Variants in INSIG2 observed in about 807,000 individuals in gnomAD.
INSIG2 encodes the protein insulin-induced gene 2 protein.
A neutral mutation model predicts 27.2 loss-of-function variants in INSIG2; 10 were observed. The observed-to-expected ratio is 0.37, with a 90% CI of 0.23 to 0.62. The LOEUF (loss-of-function observed/expected upper bound fraction) is 0.62. Among genes scored for constraint, INSIG2 ranks in the 20% least tolerant of loss-of-function variants. The pLI is 0.65. For missense variants in INSIG2, 178 were observed against 270.2 expected (o/e 0.66, Z 2.39); for synonymous variants, 97 against 95.8 (o/e 1.01, Z -0.07).
chr2:118,107,139 T>A lies in INSIG2; in HGVS notation c.586T>A (p.Phe196Ile), dbSNP rs1678692696. 1 of 1,612,488 alleles carries A rather than the reference T, an allele frequency of 6.2e-7. No homozygotes were observed. Among genetic ancestry groups the A allele is most frequent in the African/African-American group, 1.3e-5 (1 of 74,896 alleles). ...LYVRSWLPCI[F>I]FAGGITMGNI... The stretch of plus-strand genomic sequence containing the variant: ...TGTTCGTTCTTGGTTACCATGTATA[T>A]TTTTTGCTGGAGGCATAACAATGGG... Residue 196 changes from phenylalanine to isoleucine, a missense_variant, in exon 5 of 6, where the codon TTT becomes ATT. Phe to Ile is a conservative substitution (Grantham distance 21, BLOSUM62 0). Coordinates refer to ENST00000245787, the MANE Select transcript of INSIG2 (RefSeq NM_016133.4).
chr2:118,100,635 C>G (rs1678522409), intron 2 of INSIG2, among the ~76,000 whole-genome samples: 2 of 152,126 alleles, frequency 1.3e-5, no homozygotes, highest in Admixed American at 6.6e-5. Context: ...GCCTCGGCCT[C>G]TCAAAGTGCT....
chr2:118,094,925 A>G (rs987083363), intron 1 of INSIG2, among the ~76,000 whole-genome samples: 3 of 152,240 alleles, frequency 2.0e-5, no homozygotes, highest in East Asian at 1.9e-4. Flanking sequence ...TTTGCTCTCA[A>G]AAAGGCCTAC....
intron 1 of INSIG2, among the ~76,000 whole-genome samples, chr2:118,090,410 G>A (rs1425101597): frequency 6.6e-6 from 1 of 152,052 alleles, no homozygotes; most frequent in African/African-American, 2.4e-5. Context: ...TTGTTTCAGT[G>A]GCCAACATGA....
chr2:118,096,012 T>C (rs1291002086), intron 1 of INSIG2, among the ~76,000 whole-genome samples: 2 of 152,228 alleles, frequency 1.3e-5, no homozygotes, highest in Non-Finnish European at 2.9e-5. Context: ...CTGTAAAATA[T>C]AAAATACAGT....
chr2:118,101,251 A>C (rs2104533144), intron 2 of INSIG2, among the ~76,000 whole-genome samples: 1 of 152,280 alleles, frequency 6.6e-6, no homozygotes, highest in South Asian at 2.1e-4. Context: ...GCTTCTTCGA[A>C]TTCTCCCTCT....
rs917264290 is a variant in INSIG2 at position 118,108,490 on chromosome 2, G to T, written c.*168G>T. ...TATATATACACACACACATATTACT[G>T]CAATCTGTGATTGCTTCATCTGTAA... is the stretch of plus-strand genomic sequence containing the variant. On this transcript the variant is annotated 3_prime_UTR_variant, in exon 6 of 6. Coordinates refer to ENST00000245787, the MANE Select transcript of INSIG2 (RefSeq NM_016133.4). 1.6e-5 allele frequency: 8 copies of T among 486,182 alleles called. No homozygotes were observed. The highest frequency in any genetic ancestry group is 1.2e-4 in the African/African-American group (6 of 49,002). The allele number at this position is 486,182 out of a possible 1,614,324, so 30.1% of individuals were successfully genotyped here.
At chr2:118,104,318 T>G (rs971764580) in intron 3 of INSIG2, among the ~76,000 whole-genome samples, 4 of 152,176 alleles carry the variant, frequency 2.6e-5, no homozygotes, top group African/African-American at 9.7e-5. Context: ...TGGATAAGCT[T>G]GGGGACAGAA....
At chr2:118,092,013 G>A (rs372018109) in intron 1 of INSIG2, among the ~76,000 whole-genome samples, 1 of 152,186 alleles carries the variant, frequency 6.6e-6, no homozygotes, top group African/African-American at 2.4e-5. Flanking sequence ...TAAAATATCA[G>A]TGCCCTTTGA....
intron 2 of INSIG2, among the ~76,000 whole-genome samples, chr2:118,100,373 C>T (rs1470029527): frequency 2.5e-5 from 2 of 81,502 alleles, no homozygotes; most frequent in African/African-American, 5.0e-5. Flanking sequence ...ACTCTTTTGC[C>T]TTTTTTTTTT....
At chr2:118,104,987 T>C (rs1678638045) in intron 3 of INSIG2, among the ~76,000 whole-genome samples, 1 of 152,186 alleles carries the variant, frequency 6.6e-6, no homozygotes, top group Non-Finnish European at 1.5e-5. Flanking sequence ...TTTACCAAAT[T>C]TATAGCATAC....
Position 118,093,651 on chromosome 2 carries a change from A to AGAT in INSIG2, c.-138-2756_-138-2754dup, listed in dbSNP as rs202142266. On this transcript the variant is annotated intron_variant, in intron 1 of 5. Transcript: ENST00000245787. ...CTACTGAACCTTGCTAAAAGCAACC[A>AGAT]GATGATGATGATGAGGAGGAGGAGG... 9.6e-4 allele frequency among the ~76,000 whole-genome samples: 56 copies of AGAT among 58,242 alleles called. 1 individual carries two copies. Among genetic ancestry groups the AGAT allele is most frequent in the African/African-American group, 3.0e-3 (41 of 13,634 alleles). 38.2% of individuals were successfully genotyped at this position (58,242 alleles called of 152,430 possible).
intron 3 of INSIG2, among the ~76,000 whole-genome samples, chr2:118,105,335 C>T (rs1678648268): frequency 6.6e-6 from 1 of 152,216 alleles, no homozygotes; most frequent in South Asian, 2.1e-4. Context: ...GCCACCGCAC[C>T]TGGCCCATAT....
chr2:118,108,391 C>T lies in INSIG2; in HGVS notation c.*69C>T, dbSNP rs763482826. 2.5e-6 allele frequency: 3 copies of T among 1,215,830 alleles called. No individual in the cohort carries two copies. The highest frequency in any genetic ancestry group is 3.6e-6 in the Non-Finnish European group (3 of 837,558). 75.3% of individuals were successfully genotyped at this position (1,215,830 alleles called of 1,614,324 possible). On this transcript the variant is annotated 3_prime_UTR_variant, in exon 6 of 6. Transcript: ENST00000245787. ...GGATGTGAAATGGTAGATATACCAA[C>T]AAAACTTCAGACTGTAAAATTGCCA...
intron 3 of INSIG2, chr2:118,106,511 A>G: frequency 2.2e-6 from 1 of 451,080 alleles, no homozygotes; most frequent in Non-Finnish European, 3.9e-6. Flanking sequence ...GAGGGGTTAC[A>G]GTTGGTAGGA....
At chr2:118,101,184 A>G (rs1196665557) in intron 2 of INSIG2, among the ~76,000 whole-genome samples, 2 of 152,098 alleles carry the variant, frequency 1.3e-5, no homozygotes, top group African/African-American at 4.8e-5. Flanking sequence ...TTGCTATCAG[A>G]CTCTGCCATG....
chr2:118,107,006 A>G, intron 4 of INSIG2, 84 bp from the exon 5 acceptor site: 2 of 1,485,990 alleles, frequency 1.3e-6, no homozygotes, highest in East Asian at 2.3e-5. Flanking sequence ...AGTTTAATCT[A>G]CAGAGTAGTT....
In INSIG2 at chr2:118,103,194, C is replaced by A; in HGVS notation, c.245-3C>A. On this transcript the variant is annotated splice_region_variant and splice_polypyrimidine_tract_variant and intron_variant, in intron 2 of 5. Coordinates refer to ENST00000245787, the MANE Select transcript of INSIG2 (RefSeq NM_016133.4). ...ACTTAATTTTTTTCTTTTTTCCCTA[C>A]AGCTGTGATTGGGTTATTATACCCC... 4.3e-6 allele frequency: 7 copies of A among 1,610,338 alleles called. No individual in the cohort carries two copies. The highest frequency in any genetic ancestry group is 5.9e-6 in the Non-Finnish European group (7 of 1,178,138).
intron 2 of INSIG2, among the ~76,000 whole-genome samples, chr2:118,101,183 G>C (rs904613452): frequency 6.6e-6 from 1 of 152,130 alleles, no homozygotes; most frequent in East Asian, 1.9e-4. Context: ...ATTGCTATCA[G>C]ACTCTGCCAT....
chr2:118,109,465 G>T lies in INSIG2; in HGVS notation c.*1143G>T, dbSNP rs571110137. 2.6e-5 allele frequency: 4 copies of T among 152,270 alleles called. No individual in the cohort carries two copies. The South Asian group carries it at 6.2e-4, about 24-fold the overall frequency. The allele number at this position is 152,270 out of a possible 1,614,324, so 9.4% of individuals were successfully genotyped here. ...GAGATGGCATTCTCTGCATGTTAAA[G>T]ATCTTAATGGCAACCAGCACCTCTT... is the stretch of plus-strand genomic sequence containing the variant. On this transcript the variant is annotated 3_prime_UTR_variant, in exon 6 of 6. Transcript: ENST00000245787.
Sources: gnomAD v4.1 joint callset for allele counts (sites outside exome capture counted in the v4.1 genomes callset) on GRCh38, gnomAD v4.1.1 for gene constraint, MANE v1.5 for transcripts, NCBI Gene and HGNC (gene_info 2026-07-23, HGNC 2026-07-21) for gene names.